GPC5: variants seen among roughly 807,000 people sequenced by gnomAD.
The protein encoded by GPC5 is glypican-5.
Under a neutral mutation model 53.9 loss-of-function variants are expected in GPC5, and 47 were observed. The ratio of observed to expected loss-of-function variants is 0.87; its 90% CI spans 0.69 to 1.11. The LOEUF (loss-of-function observed/expected upper bound fraction) is 1.11, where lower values mean the gene tolerates loss of function less well. GPC5 is among the 50% of genes most tolerant of loss of function. The pLI is 0.00. For missense variants in GPC5, 748 were observed against 713.1 expected (o/e 1.05, Z -0.56); for synonymous variants, 286 against 263.3 (o/e 1.09, Z -0.84).
At chr13:91,525,150 A>G (rs1392715055) in intron 2 of GPC5, among the ~76,000 whole-genome samples, 2 of 152,078 alleles carry the variant, frequency 1.3e-5, no homozygotes, top group Non-Finnish European at 1.5e-5. Context: ...CGAACTATGT[A>G]TTTTTCACTT....
intron 5 of GPC5, among the ~76,000 whole-genome samples, chr13:91,778,921 C>A (rs961388800): frequency 1.4e-4 from 21 of 152,214 alleles, no homozygotes; most frequent in East Asian, 7.7e-4. Context: ...GGCTACAAAT[C>A]TTTGCAGCAT....
At chr13:92,756,397 A>G (rs1021351556) in intron 7 of GPC5, among the ~76,000 whole-genome samples, 4 of 151,762 alleles carry the variant, frequency 2.6e-5, no homozygotes, top group Admixed American at 2.0e-4. Flanking sequence ...AAAAACTGGA[A>G]GCATTCCCTT....
intron 7 of GPC5, among the ~76,000 whole-genome samples, chr13:92,249,686 G>A (rs528367867): frequency 2.0e-4 from 31 of 152,048 alleles, no homozygotes; most frequent in Non-Finnish European, 3.5e-4. Flanking sequence ...ATTTGAGTTA[G>A]TGGCAGAATG....
intron 7 of GPC5, among the ~76,000 whole-genome samples, chr13:92,186,581 G>A (rs888819620): frequency 1.3e-5 from 2 of 149,228 alleles, no homozygotes; most frequent in African/African-American, 2.6e-5. Flanking sequence ...TACTCTCATC[G>A]GCAAAAACAT....
At chr13:91,967,161 C>A (rs935183254) in intron 6 of GPC5, among the ~76,000 whole-genome samples, 1 of 152,038 alleles carries the variant, frequency 6.6e-6, no homozygotes, top group African/African-American at 2.4e-5. Context: ...TGAGAGAGAA[C>A]CAAGTGAAAG....
At chr13:92,199,293 G>T (rs1416264199) in intron 7 of GPC5, among the ~76,000 whole-genome samples, 1 of 152,126 alleles carries the variant, frequency 6.6e-6, no homozygotes, top group African/African-American at 2.4e-5. Context: ...GCAACTTCTA[G>T]CCTGACCCAC....
chr13:92,299,243 A>G (rs2043059105), intron 7 of GPC5, among the ~76,000 whole-genome samples: 1 of 152,350 alleles, frequency 6.6e-6, no homozygotes, highest in South Asian at 2.1e-4. Flanking sequence ...ATTTTTAAAG[A>G]CATAGTTCAG....
chr13:91,644,977 G>A (rs1183306164), intron 2 of GPC5, among the ~76,000 whole-genome samples: 1 of 152,240 alleles, frequency 6.6e-6, no homozygotes, highest in Non-Finnish European at 1.5e-5. Flanking sequence ...AATGATTGAA[G>A]TTCAGTGGAA....
At chr13:92,049,391 A>G (rs2041009086) in intron 6 of GPC5, among the ~76,000 whole-genome samples, 1 of 152,146 alleles carries the variant, frequency 6.6e-6, no homozygotes, top group Admixed American at 6.5e-5. Context: ...AATATTTAAT[A>G]TGCATTAGAT....
intron 5 of GPC5, among the ~76,000 whole-genome samples, chr13:91,902,347 G>A (rs1423050417): frequency 6.6e-6 from 1 of 152,106 alleles, no homozygotes; most frequent in East Asian, 1.9e-4. Flanking sequence ...TCAACAGAGA[G>A]GGAACTAAGA....
At chr13:91,948,869 G>A (rs747466882) in intron 6 of GPC5, among the ~76,000 whole-genome samples, 3 of 152,180 alleles carry the variant, frequency 2.0e-5, no homozygotes, top group Non-Finnish European at 4.4e-5. Flanking sequence ...TGCTTTGTTA[G>A]TGTACATGTC....
At chr13:92,757,851 T>C (rs1349458718) in intron 7 of GPC5, among the ~76,000 whole-genome samples, 1 of 151,838 alleles carries the variant, frequency 6.6e-6, no homozygotes, top group Non-Finnish European at 1.5e-5. Flanking sequence ...GGAGAGGATG[T>C]GGAGAAATAG....
chr13:92,348,188 A>T (rs2043443750), intron 7 of GPC5, among the ~76,000 whole-genome samples: 1 of 151,192 alleles, frequency 6.6e-6, no homozygotes, highest in Admixed American at 6.6e-5. Context: ...AACTGAAAGG[A>T]TAAAAAAGCC....
chr13:91,557,891 G>A, intron 2 of GPC5, among the ~76,000 whole-genome samples: 1 of 152,060 alleles, frequency 6.6e-6, no homozygotes, highest in East Asian at 1.9e-4. Flanking sequence ...CTTCTGATTG[G>A]CTTATGAATT....
chr13:92,743,635 G>A (rs1889165333), intron 7 of GPC5, among the ~76,000 whole-genome samples: 2 of 152,096 alleles, frequency 1.3e-5, no homozygotes, highest in African/African-American at 4.8e-5. Context: ...GAATAGGAGT[G>A]GTGAGAGACG....
At chr13:91,670,308 C>T (rs769890815) in intron 2 of GPC5, among the ~76,000 whole-genome samples, 1 of 152,110 alleles carries the variant, frequency 6.6e-6, no homozygotes, top group African/African-American at 2.4e-5. Context: ...TGGATTAGAA[C>T]TAGGAGAGAA....
chr13:92,679,422 A>G (rs1887047664), intron 7 of GPC5, among the ~76,000 whole-genome samples: 1 of 152,218 alleles, frequency 6.6e-6, no homozygotes, highest in Non-Finnish European at 1.5e-5. Context: ...CTACTCAGAT[A>G]GGACTATATC....
rs951760752 is a variant in GPC5 at position 92,003,997 on chromosome 13, A to G, written c.1401+95940A>G. On this transcript the variant is annotated intron_variant, in intron 6 of 7. Coordinates refer to ENST00000377067, the MANE Select transcript of GPC5 (RefSeq NM_004466.6). ...CTCCTCACCAGGAGTTTTATGAAGT[A>G]TATACCATGAACATCACTAGAATTT... Among the ~76,000 whole-genome samples, 6 of 152,230 alleles carry G rather than the reference A, an allele frequency of 3.9e-5. No individual in the cohort carries two copies. In the South Asian group the frequency reaches 6.2e-4, roughly 16 times the overall value.
chr13:92,841,791 T>G (rs1878439875), intron 7 of GPC5, among the ~76,000 whole-genome samples: 1 of 152,132 alleles, frequency 6.6e-6, no homozygotes, highest in Admixed American at 6.6e-5. Context: ...TTTCTCTACT[T>G]TTTCCTTATG....
Sources: allele counts gnomAD v4.1 joint callset (sites outside exome capture counted in the v4.1 genomes callset), GRCh38; gene constraint gnomAD v4.1.1; transcripts MANE v1.5; gene names NCBI Gene and HGNC (gene_info 2026-07-23, HGNC 2026-07-21).